Variants in CTNNA3 observed in about 807,000 individuals in gnomAD.
CTNNA3 encodes the protein catenin alpha-3.
In CTNNA3, 76 loss-of-function variants were observed where a neutral mutation model predicts 95.7. The observed-to-expected ratio is 0.79, with a 90% CI of 0.66 to 0.96. CTNNA3 has a LOEUF of 0.96. Ranked by LOEUF, CTNNA3 falls within the 40% of genes least tolerant of loss-of-function variation. The probability of loss-of-function intolerance (pLI) is 0.00; values close to 1 mark genes in which losing one functional copy is unlikely to be tolerated. For synonymous variants in CTNNA3, 431 were observed against 374.4 expected (o/e 1.15, Z -1.74); for missense variants, 1,191 against 1,089.8 (o/e 1.09, Z -1.31).
At chr10:67,661,918 TCA>T in intron 1 of CTNNA3, among the ~76,000 whole-genome samples, 1 of 152,286 alleles carries the variant, frequency 6.6e-6, no homozygotes. Flanking sequence ...ACTGGAAATC[TCA>T]CACATTGCTA....
intron 7 of CTNNA3, among the ~76,000 whole-genome samples, chr10:67,152,548 C>G (rs1354050915): frequency 6.6e-6 from 1 of 152,102 alleles, no homozygotes; most frequent in Non-Finnish European, 1.5e-5. Context: ...ACAAAGAATT[C>G]TAAAGCTTAT....
At chr10:67,730,980 T>C (rs1841270492) in intron 1 of CTNNA3, among the ~76,000 whole-genome samples, 1 of 152,062 alleles carries the variant, frequency 6.6e-6, no homozygotes, top group South Asian at 2.1e-4. Flanking sequence ...CCAAATATTA[T>C]CACATACTTT....
Position 66,819,641 on chromosome 10 carries a change from C to T in CTNNA3, c.1048-44117G>A, listed in dbSNP as rs553027734. ...CAAAATATATAAAGCAATATTACAACTCAACTATTTAAAAGAATAACCCAA... is the reference window on the plus strand; with the variant it reads ...CAAAATATATAAAGCAATATTACAATTCAACTATTTAAAAGAATAACCCAA... On this transcript the variant is annotated intron_variant, in intron 7 of 17. Coordinates refer to ENST00000433211, the MANE Select transcript of CTNNA3 (RefSeq NM_013266.4). Among the ~76,000 whole-genome samples the T allele has an allele frequency of 5.3e-5, 8 of 152,024 alleles. No individual in the cohort carries two copies. In the East Asian group the frequency reaches 1.4e-3, roughly 26 times the overall value.
chr10:67,239,825 T>G (rs913317269), intron 5 of CTNNA3, among the ~76,000 whole-genome samples: 3 of 152,108 alleles, frequency 2.0e-5, no homozygotes, highest in African/African-American at 7.2e-5. Context: ...TCTGTCCATC[T>G]GTAAGAATCC....
At chr10:67,729,578 A>G (rs1049095347) in intron 1 of CTNNA3, among the ~76,000 whole-genome samples, 2 of 152,170 alleles carry the variant, frequency 1.3e-5, no homozygotes, top group African/African-American at 4.8e-5. Context: ...TTCTGATAAG[A>G]AAAGTATAAA....
At chr10:66,230,850 C>T (rs1034193978) in intron 13 of CTNNA3, among the ~76,000 whole-genome samples, 12 of 152,146 alleles carry the variant, frequency 7.9e-5, no homozygotes, top group Non-Finnish European at 1.6e-4. Flanking sequence ...GTATAGAGCT[C>T]TGCCTGGGCT....
chr10:67,685,860 G>C lies in CTNNA3; in HGVS notation c.-6+10140C>G, dbSNP rs115913211. ...TCCTTGTTTGACTTTCTGTCTCTCT[G>C]TATCTTCCTCTCTCTGTCTCTCTCT... On this transcript the variant is annotated intron_variant, in intron 1 of 17. Coordinates refer to ENST00000433211, the MANE Select transcript of CTNNA3 (RefSeq NM_013266.4). Among the ~76,000 whole-genome samples, 975 of 151,546 alleles carry C rather than the reference G, an allele frequency of 6.4e-3. 16 individuals carry two copies. Among genetic ancestry groups the C allele is most frequent in the African/African-American group, 0.022 (920 of 41,264 alleles).
chr10:67,631,134 A>G (rs1034239726), intron 2 of CTNNA3, among the ~76,000 whole-genome samples: 3 of 152,226 alleles, frequency 2.0e-5, no homozygotes, highest in Non-Finnish European at 4.4e-5. Context: ...TGCAGTCATA[A>G]AAATGTAATT....
chr10:67,720,659 C>A (rs1300789265), intron 1 of CTNNA3, among the ~76,000 whole-genome samples: 1 of 152,074 alleles, frequency 6.6e-6, no homozygotes. Flanking sequence ...AAATTCTTTT[C>A]TTTAAGAATG....
intron 7 of CTNNA3, among the ~76,000 whole-genome samples, chr10:66,951,321 G>A (rs913901149): frequency 7.2e-5 from 11 of 151,982 alleles, no homozygotes; most frequent in Admixed American, 3.3e-4. Context: ...TCACCATGTT[G>A]GCCAGGCTGG....
chr10:67,600,966 AG>A (rs1179161953), intron 3 of CTNNA3, among the ~76,000 whole-genome samples: 1 of 152,228 alleles, frequency 6.6e-6, no homozygotes, highest in African/African-American at 2.4e-5. Flanking sequence ...AAGTTCAAAA[AG>A]AGGCAAAACT....
chr10:66,118,138 C>A (rs2082415067), intron 13 of CTNNA3: 1 of 152,144 alleles, frequency 6.6e-6, no homozygotes, highest in Non-Finnish European at 1.5e-5. Flanking sequence ...TAAAAATATA[C>A]CAGAGTTAAG....
intron 7 of CTNNA3, among the ~76,000 whole-genome samples, chr10:67,090,051 C>A (rs10997501): frequency 0.039 from 5,959 of 152,074 alleles, 395 homozygotes; most frequent in African/African-American, 0.14. Context: ...GAAAAGCTAA[C>A]ATATTTTAAC....
At chr10:66,212,557 T>C (rs1236282680) in intron 13 of CTNNA3, among the ~76,000 whole-genome samples, 5 of 152,198 alleles carry the variant, frequency 3.3e-5, no homozygotes, top group Admixed American at 3.3e-4. Flanking sequence ...TTTTGATGCT[T>C]TTGAAGAGGG....
At chr10:66,517,822 C>T (rs563387520) in intron 11 of CTNNA3, among the ~76,000 whole-genome samples, 1 of 152,202 alleles carries the variant, frequency 6.6e-6, no homozygotes, top group South Asian at 2.1e-4. Context: ...GAAATATTAC[C>T]AACCAGGGCA....
intron 7 of CTNNA3, among the ~76,000 whole-genome samples, chr10:66,780,178 T>C (rs117979702): frequency 0.016 from 2,369 of 152,180 alleles, 31 homozygotes; most frequent in Admixed American, 0.031. Context: ...AGAAATGAGC[T>C]TAACCCTATA....
chr10:67,126,155 A>G (rs1173570352), intron 7 of CTNNA3, among the ~76,000 whole-genome samples: 9 of 152,236 alleles, frequency 5.9e-5, no homozygotes. Flanking sequence ...GAGAGGTTTC[A>G]GGACAGCTTA....
intron 7 of CTNNA3, among the ~76,000 whole-genome samples, chr10:67,158,458 T>A (rs1330042818): frequency 1.3e-5 from 2 of 152,124 alleles, no homozygotes; most frequent in Non-Finnish European, 2.9e-5. Context: ...ATGCTATCTA[T>A]CAAAATAGAT....
At chr10:67,090,708 T>C (rs1057373617) in intron 7 of CTNNA3, among the ~76,000 whole-genome samples, 13 of 152,010 alleles carry the variant, frequency 8.6e-5, no homozygotes, top group Admixed American at 1.3e-4. Context: ...ATGAAAATAA[T>C]GAAGAGAATA....
Sources: allele counts gnomAD v4.1 joint callset (sites outside exome capture counted in the v4.1 genomes callset), GRCh38; gene constraint gnomAD v4.1.1; transcripts MANE v1.5; gene names NCBI Gene and HGNC (gene_info 2026-07-23, HGNC 2026-07-21).